PAM: variants seen among roughly 807,000 people sequenced by gnomAD.
The protein encoded by PAM is peptidyl-glycine alpha-amidating monooxygenase.
PAM carries 72 observed loss-of-function variants against 122.1 expected under a neutral mutation model. The ratio of observed to expected loss-of-function variants is 0.59; its 90% CI spans 0.49 to 0.72. PAM has a LOEUF of 0.72. Ranked by LOEUF, PAM falls within the 30% of genes least tolerant of loss-of-function variation. The pLI is 0.00. For missense variants in PAM, 1,106 were observed against 1,183.7 expected, an observed-to-expected ratio of 0.93 and a Z score of 0.96; for synonymous variants, 389 against 404.4, an observed-to-expected ratio of 0.96 and a Z score of 0.46.
At chr5:102,958,357 C>G (rs1226463402) in intron 12 of PAM, among the ~76,000 whole-genome samples, 3 of 152,096 alleles carry the variant, frequency 2.0e-5, no homozygotes, top group Admixed American at 2.0e-4. Context: ...ATTCCTTTTT[C>G]CTTTTTGCTC....
intron 1 of PAM, among the ~76,000 whole-genome samples, chr5:102,847,592 C>T (rs932289080): frequency 7.2e-5 from 11 of 152,014 alleles, no homozygotes; most frequent in African/African-American, 2.4e-4. Context: ...AAAGAAAATT[C>T]GATATTTAAA....
chr5:102,932,205 A>G (rs771154260), intron 7 of PAM, among the ~76,000 whole-genome samples: 4 of 152,154 alleles, frequency 2.6e-5, no homozygotes, highest in South Asian at 2.1e-4. Flanking sequence ...AGAATATATT[A>G]TGTGTCTTTC....
intron 1 of PAM, among the ~76,000 whole-genome samples, chr5:102,793,882 A>G (rs1420480598): frequency 6.6e-6 from 1 of 152,178 alleles, no homozygotes; most frequent in Non-Finnish European, 1.5e-5. Flanking sequence ...TATGTGAAAT[A>G]TGTATTGAAT....
chr5:102,851,196 G>A (rs1356389237), intron 1 of PAM, among the ~76,000 whole-genome samples: 2 of 152,052 alleles, frequency 1.3e-5, no homozygotes, highest in African/African-American at 4.8e-5. Flanking sequence ...TTTCTCCTTA[G>A]GAGAAAAATT....
chr5:102,764,962 TTC>T (rs1753450194), intron 1 of PAM, among the ~76,000 whole-genome samples: 1 of 152,240 alleles, frequency 6.6e-6, no homozygotes, highest in Admixed American at 6.5e-5. Flanking sequence ...ATTTATTCTT[TTC>T]TTTTTTGGCA....
chr5:102,849,929 T>C (rs1284192821), intron 1 of PAM, among the ~76,000 whole-genome samples: 2 of 152,206 alleles, frequency 1.3e-5, no homozygotes, highest in Admixed American at 6.5e-5. Context: ...TGTAGGTTTT[T>C]AGTACTATTT....
At chr5:102,766,123 C>T (rs117470100) in intron 1 of PAM, among the ~76,000 whole-genome samples, 14 of 152,120 alleles carry the variant, frequency 9.2e-5, no homozygotes, top group Non-Finnish European at 2.1e-4. Flanking sequence ...AGCCCCTAAC[C>T]TTTTTGGCAC....
chr5:102,989,840 G>A (rs1019196784), intron 15 of PAM: 2 of 79,504 alleles, frequency 2.5e-5, no homozygotes, highest in African/African-American at 1.1e-4. Context: ...AGATAGATGA[G>A]GGAAAAGGAC....
At chr5:102,961,673 C>T (rs1762534936) in intron 14 of PAM, among the ~76,000 whole-genome samples, 2 of 151,902 alleles carry the variant, frequency 1.3e-5, no homozygotes, top group Admixed American at 1.3e-4. Context: ...AGTCATTCTT[C>T]TCTGCCTTCA....
intron 14 of PAM, among the ~76,000 whole-genome samples, chr5:102,971,039 TCAAGTAATC>T (rs1284554192): frequency 6.6e-6 from 1 of 152,164 alleles, no homozygotes; most frequent in Non-Finnish European, 1.5e-5. Context: ...ACTCCTGACC[TCAAGTAATC>T]CGCCCGCCTT....
intron 14 of PAM, among the ~76,000 whole-genome samples, chr5:102,971,047 TC>T (rs1255666857): frequency 4.6e-5 from 7 of 152,140 alleles, no homozygotes; most frequent in African/African-American, 7.2e-5. Flanking sequence ...CCTCAAGTAA[TC>T]CGCCCGCCTT....
intron 1 of PAM, among the ~76,000 whole-genome samples, chr5:102,813,768 G>C (rs1044778526): frequency 3.9e-5 from 6 of 152,154 alleles, no homozygotes; most frequent in Admixed American, 2.6e-4. Context: ...ACTTTGGAGT[G>C]AGGATTAATG....
intron 3 of PAM, among the ~76,000 whole-genome samples, chr5:102,871,124 T>A (rs1466468048): frequency 6.6e-6 from 1 of 152,226 alleles, no homozygotes; most frequent in Non-Finnish European, 1.5e-5. Flanking sequence ...GCTGACAGCA[T>A]CTGGCCTCAG....
At chr5:102,830,917 G>A (rs1775257250) in intron 1 of PAM, among the ~76,000 whole-genome samples, 1 of 150,588 alleles carries the variant, frequency 6.6e-6, no homozygotes, top group Admixed American at 6.6e-5. Context: ...TTTGTTTTTG[G>A]TTATCTGAGA....
intron 1 of PAM, among the ~76,000 whole-genome samples, chr5:102,804,334 G>A (rs1235729410): frequency 1.3e-5 from 2 of 152,058 alleles, no homozygotes; most frequent in Non-Finnish European, 2.9e-5. Context: ...ATTATTAAAG[G>A]GGCGAGACAC....
chr5:103,026,389 G>A (rs927234399), intron 24 of PAM, among the ~76,000 whole-genome samples: 1 of 152,262 alleles, frequency 6.6e-6, no homozygotes, highest in South Asian at 2.1e-4. Context: ...ACAGAAAAAG[G>A]CATGGAAACA....
At chr5:102,948,278 C>A in intron 8 of PAM, 100 bp from the exon 9 acceptor site, 1 of 605,202 alleles carries the variant, frequency 1.7e-6, no homozygotes, top group South Asian at 2.4e-5. Flanking sequence ...TCAAAAGCAT[C>A]ACATTTTATA....
intron 4 of PAM, among the ~76,000 whole-genome samples, chr5:102,911,764 AG>A (rs1334638240): frequency 6.6e-6 from 1 of 151,998 alleles, no homozygotes; most frequent in Non-Finnish European, 1.5e-5. Flanking sequence ...AATTACTAAT[AG>A]CTCCTTCTTT....
At chr5:102,966,646 A>G (rs890670295) in intron 14 of PAM, among the ~76,000 whole-genome samples, 2 of 152,188 alleles carry the variant, frequency 1.3e-5, no homozygotes, top group Non-Finnish European at 2.9e-5. Context: ...CTAAGTCATA[A>G]AACAAATTAT....
Sources: gnomAD v4.1 joint callset for allele counts (sites outside exome capture counted in the v4.1 genomes callset) on GRCh38, gnomAD v4.1.1 for gene constraint, MANE v1.5 for transcripts, NCBI Gene and HGNC (gene_info 2026-07-23, HGNC 2026-07-21) for gene names.